EYA1: variants seen among roughly 807,000 people sequenced by gnomAD.
EYA1 encodes the protein protein phosphatase EYA1.
EYA1 carries 16 observed loss-of-function variants against 82.0 expected under a neutral mutation model. The observed-to-expected ratio is 0.20, with a 90% confidence interval of 0.13 to 0.30. EYA1 has a LOEUF of 0.30. Among genes scored for constraint, EYA1 ranks in the 10% least tolerant of loss-of-function variants. EYA1 has a pLI of 1.00. For synonymous variants in EYA1, 261 were observed against 264.4 expected (o/e 0.99, Z 0.12); for missense variants, 633 against 730.7 (o/e 0.87, Z 1.54).
At chr8:71,389,745 TTGGTC>T (rs1007834904) in intron 2 of EYA1, among the ~76,000 whole-genome samples, 1 of 152,216 alleles carries the variant, frequency 6.6e-6, no homozygotes, top group Non-Finnish European at 1.5e-5. Flanking sequence ...TCATAACCTA[TTGGTC>T]TCCAGTTACT....
At chr8:71,360,648 G>A (rs1164294684) in intron 1 of EYA1, among the ~76,000 whole-genome samples, 1 of 152,216 alleles carries the variant, frequency 6.6e-6, no homozygotes, top group Non-Finnish European at 1.5e-5. Context: ...GACTGTACAT[G>A]TGTGCATGTC....
intron 9 of EYA1, among the ~76,000 whole-genome samples, chr8:71,294,025 T>TAA: frequency 6.9e-6 from 1 of 145,284 alleles, no homozygotes; most frequent in South Asian, 2.2e-4. Flanking sequence ...GTAGAAAATA[T>TAA]AAAAAAAAAA....
intron 2 of EYA1, among the ~76,000 whole-genome samples, chr8:71,475,638 G>A (rs766392281): frequency 1.3e-5 from 2 of 152,022 alleles, no homozygotes; most frequent in Non-Finnish European, 2.9e-5. Flanking sequence ...TGAAACACAC[G>A]ATAGACCAAG....
intron 11 of EYA1, among the ~76,000 whole-genome samples, chr8:71,266,055 G>A (rs937185126): frequency 2.0e-5 from 3 of 152,140 alleles, no homozygotes; most frequent in Admixed American, 2.0e-4. Context: ...ATTTTGCATT[G>A]TATCAACCAG....
rs1191662456 is a variant in EYA1, at chr8:71,499,461, T to A, written c.33+36283A>T. On this transcript the variant is annotated intron_variant, in intron 2 of 18. Transcript: ENST00000643681. ...AAGGAACTTACTAGAAAGAGTTCAG[T>A]TACTAGATGACGGAGCTAGGGCTGA... 2.6e-5 allele frequency among the ~76,000 whole-genome samples: 4 copies of A among 152,158 alleles called. No individual in the cohort carries two copies. The East Asian group carries it at 7.7e-4, about 29-fold the overall frequency.
At chr8:71,226,730 AATG>A (rs2128874410) in intron 12 of EYA1, among the ~76,000 whole-genome samples, 1 of 151,362 alleles carries the variant, frequency 6.6e-6, no homozygotes, top group East Asian at 2.0e-4. Flanking sequence ...CATTTGATCT[AATG>A]ATATCAATAC....
chr8:71,391,181 C>G (rs1226578587), intron 2 of EYA1, among the ~76,000 whole-genome samples: 2 of 152,034 alleles, frequency 1.3e-5, no homozygotes, highest in Non-Finnish European at 2.9e-5. Flanking sequence ...CAGGGTTTTG[C>G]CATGTTGGCC....
intron 2 of EYA1, among the ~76,000 whole-genome samples, chr8:71,486,821 G>A (rs931026786): frequency 1.3e-5 from 2 of 151,844 alleles, no homozygotes; most frequent in South Asian, 2.1e-4. Context: ...AGAAACAAAG[G>A]AAGAGAATGA....
At chr8:71,413,608 T>C (rs1249871804) in intron 2 of EYA1, among the ~76,000 whole-genome samples, 1 of 152,198 alleles carries the variant, frequency 6.6e-6, no homozygotes. Flanking sequence ...ATTATATAAA[T>C]AGCCATTTTC....
At chr8:71,532,476 G>A (rs918675813) in intron 2 of EYA1, among the ~76,000 whole-genome samples, 3 of 152,178 alleles carry the variant, frequency 2.0e-5, no homozygotes, top group Non-Finnish European at 4.4e-5. Context: ...ATGTAGTAGA[G>A]AAAGAACCAT....
At chr8:71,213,882 A>C (rs144725591) in intron 16 of EYA1, among the ~76,000 whole-genome samples, 1 of 152,326 alleles carries the variant, frequency 6.6e-6, no homozygotes, top group East Asian at 1.9e-4. Context: ...CATTCAACAA[A>C]TTCATCTCTA....
At chr8:71,204,694 G>A (rs757389934) in intron 17 of EYA1, among the ~76,000 whole-genome samples, 4 of 152,218 alleles carry the variant, frequency 2.6e-5, no homozygotes, top group Non-Finnish European at 4.4e-5. Flanking sequence ...CTTCTCATTT[G>A]TGTAAAAAAA....
At position 71,409,835 on chromosome 8, in the gene EYA1, A is replaced by G. The variant is rs1313289993; in HGVS notation, c.34-53324T>C. ...TACCATTCCTTCTGAAACTATTCCAATCAATGGAAAAAGAGGGAATCCTCC... is the reference window on the plus strand; with the variant it reads ...TACCATTCCTTCTGAAACTATTCCAGTCAATGGAAAAAGAGGGAATCCTCC... On this transcript the variant is annotated intron_variant, in intron 2 of 18. Transcript: ENST00000643681. Among the ~76,000 whole-genome samples, 16 of 135,662 alleles carry G rather than the reference A, an allele frequency of 1.2e-4. No individual in the cohort carries two copies. The East Asian group carries it at 2.7e-3, about 23-fold the overall frequency. 89.0% of individuals were successfully genotyped at this position (135,662 alleles called of 152,430 possible).
At chr8:71,515,272 G>A (rs977412710) in intron 2 of EYA1, among the ~76,000 whole-genome samples, 5 of 152,062 alleles carry the variant, frequency 3.3e-5, no homozygotes, top group African/African-American at 1.2e-4. Flanking sequence ...TCCCACAGCT[G>A]GTCAGTGGCA....
intron 2 of EYA1, among the ~76,000 whole-genome samples, chr8:71,488,627 T>C (rs529515385): frequency 1.3e-4 from 20 of 152,342 alleles, no homozygotes; most frequent in Admixed American, 9.2e-4. Flanking sequence ...TAAATTTTGA[T>C]CTGGGTGTTA....
chr8:71,436,455 T>A (rs1806020065), intron 2 of EYA1, among the ~76,000 whole-genome samples: 1 of 152,166 alleles, frequency 6.6e-6, no homozygotes, highest in South Asian at 2.1e-4. Flanking sequence ...TTTAGCTGTA[T>A]AATCAGGAGA....
At chr8:71,290,636 G>GTT (rs1818894637) in intron 9 of EYA1, among the ~76,000 whole-genome samples, 1 of 152,042 alleles carries the variant, frequency 6.6e-6, no homozygotes, top group South Asian at 2.1e-4. Flanking sequence ...AGGCACAAAA[G>GTT]GGCTAAGTGC....
At position 71,304,409 on chromosome 8, in the gene EYA1, T is replaced by G. The variant is rs1203750773; in HGVS notation, c.557-4689A>C. The stretch of plus-strand genomic sequence containing the variant: ...TAAATTGCATCTCAGAATGGCAAGG[T>G]TTTTGTCTGTGAGTTATTTCCCTTT... On this transcript the variant is annotated intron_variant, in intron 7 of 17. Transcript: ENST00000340726. Among the ~76,000 whole-genome samples the G allele has an allele frequency of 1.4e-5, 2 of 142,370 alleles. 1 individual carries two copies. The highest frequency in any genetic ancestry group is 3.2e-5 in the Non-Finnish European group (2 of 62,704). 93.4% of individuals were successfully genotyped at this position (142,370 alleles called of 152,430 possible). A position where few individuals can be genotyped will look rare whatever the true frequency, so the allele number is the denominator to read the frequency against.
chr8:71,272,251 G>T (rs996524140), intron 9 of EYA1, among the ~76,000 whole-genome samples: 2 of 152,096 alleles, frequency 1.3e-5, no homozygotes, highest in African/African-American at 2.4e-5. Flanking sequence ...CATACTGAGA[G>T]GCTCACACAT....
Sources: allele counts gnomAD v4.1 joint callset (sites outside exome capture counted in the v4.1 genomes callset), GRCh38; gene constraint gnomAD v4.1.1; transcripts MANE v1.5; gene names NCBI Gene and HGNC (gene_info 2026-07-23, HGNC 2026-07-21).